MEF2A: variants seen among roughly 807,000 people sequenced by gnomAD.
MEF2A encodes the protein myocyte-specific enhancer factor 2A.
Under a neutral mutation model 55.8 loss-of-function variants are expected in MEF2A, and 28 were observed. That is an observed-to-expected ratio of 0.50 (90% CI 0.37 to 0.69). The LOEUF (loss-of-function observed/expected upper bound fraction) is 0.69, where lower values mean the gene tolerates loss of function less well. Among genes scored for constraint, MEF2A ranks in the 30% least tolerant of loss-of-function variants. The pLI, the probability that MEF2A is intolerant of heterozygous loss-of-function variation, is 0.00. For missense variants in MEF2A, 528 were observed against 626.2 expected (o/e 0.84, Z 1.67); for synonymous variants, 239 against 227.1 (o/e 1.05, Z -0.47).
chr15:99,615,514 A>C (rs774484046), intron 2 of MEF2A, among the ~76,000 whole-genome samples: 2 of 152,206 alleles, frequency 1.3e-5, no homozygotes, highest in Non-Finnish European at 2.9e-5. Flanking sequence ...CATATGTGTT[A>C]TCTCTTAATC....
chr15:99,658,192 A>G (rs545952726), intron 4 of MEF2A, among the ~76,000 whole-genome samples: 27 of 152,272 alleles, frequency 1.8e-4, no homozygotes, highest in African/African-American at 6.3e-4. Context: ...TTTAAGAAAT[A>G]AGCTTGAAAA....
At chr15:99,690,716 A>G (rs1429222491) in intron 8 of MEF2A, 3 of 512,802 alleles carry the variant, frequency 5.9e-6, no homozygotes, top group African/African-American at 5.7e-5. Context: ...AAAGATAGAT[A>G]CTGCAAGGTC....
intron 5 of MEF2A, 150 bp from the exon 6 acceptor site, chr15:99,674,242 GA>G: frequency 1.6e-6 from 1 of 628,580 alleles, no homozygotes; most frequent in East Asian, 2.7e-5. Context: ...TAATTCTAAA[GA>G]AAATAGCTTT....
At chr15:99,678,826 A>C (rs916984089) in intron 7 of MEF2A, 1 of 280,226 alleles carries the variant, frequency 3.6e-6, no homozygotes, top group Non-Finnish European at 5.4e-6. Context: ...GAGAGTAAAA[A>C]GGCAAGACAG....
intron 7 of MEF2A, among the ~76,000 whole-genome samples, chr15:99,683,661 C>G (rs1056352747): frequency 6.6e-6 from 1 of 151,162 alleles, no homozygotes; most frequent in Non-Finnish European, 1.5e-5. Context: ...ATCTCGGCCT[C>G]CCAAAGTGCT....
chr15:99,676,772 G>T lies in MEF2A; in HGVS notation c.670+1314G>T, dbSNP rs149429395. Among the ~76,000 whole-genome samples, 8 of 152,060 alleles carry T rather than the reference G, an allele frequency of 5.3e-5. No homozygotes were observed. The East Asian group carries it at 1.5e-3, about 29-fold the overall frequency. ...TTTTTAGTAGAGACGGAGTTTCACCGTGTTAGCCAGGATGGTCTCAATCTC... is the reference window on the plus strand; with the variant it reads ...TTTTTAGTAGAGACGGAGTTTCACCTTGTTAGCCAGGATGGTCTCAATCTC... On this transcript the variant is annotated intron_variant, in intron 7 of 11. Coordinates refer to ENST00000557942, the MANE Select transcript of MEF2A (RefSeq NM_001319206.4).
intron 4 of MEF2A, among the ~76,000 whole-genome samples, chr15:99,650,452 A>G (rs1468371291): frequency 6.6e-6 from 1 of 152,238 alleles, no homozygotes; most frequent in Non-Finnish European, 1.5e-5. Context: ...GATAGGTATT[A>G]TTAAGCACTT....
rs34161626 is a variant in MEF2A at position 99,707,938 on chromosome 15, GAA to G, written c.1009+1093_1009+1094del. Among the ~76,000 whole-genome samples, 15 of 146,224 alleles carry G rather than the reference GAA, an allele frequency of 1.0e-4. No homozygotes were observed. The East Asian group carries it at 1.4e-3, about 14-fold the overall frequency. On this transcript the variant is annotated intron_variant, in intron 10 of 11. Coordinates refer to ENST00000557942, the MANE Select transcript of MEF2A (RefSeq NM_001319206.4). ...AGAATCAACAATAAAAGGTTTTATT[GAA>G]AAAAAAAAAGTCTCTTAGGAAATAT... is the stretch of plus-strand genomic sequence containing the variant.
At chr15:99,654,501 A>C (rs1268795457) in intron 4 of MEF2A, among the ~76,000 whole-genome samples, 1 of 151,878 alleles carries the variant, frequency 6.6e-6, no homozygotes, top group African/African-American at 2.4e-5. Flanking sequence ...TTGGTCTTAA[A>C]AATAGGGGTA....
intron 8 of MEF2A, among the ~76,000 whole-genome samples, chr15:99,699,964 GTGTGTGTGTGTGTGTGTGTGTATA>G (rs1567482903): frequency 1.5e-5 from 1 of 66,810 alleles, no homozygotes; most frequent in East Asian, 6.2e-4. Flanking sequence ...GTGTGTGTGT[GTGTGTGTGTGTGTGTGTGTGTATA>G]TATATATATA....
intron 1 of MEF2A, among the ~76,000 whole-genome samples, chr15:99,569,080 T>C (rs1337014769): frequency 6.6e-6 from 1 of 152,184 alleles, no homozygotes. Flanking sequence ...GCTTTTAACA[T>C]ATGCTGATTT....
At chr15:99,587,880 C>G (rs1013953784) in intron 1 of MEF2A, among the ~76,000 whole-genome samples, 1 of 151,942 alleles carries the variant, frequency 6.6e-6, no homozygotes, top group Admixed American at 6.6e-5. Context: ...TGAATAGAAC[C>G]TGTTTTAATT....
chr15:99,637,382 A>G (rs1417315144), intron 3 of MEF2A, among the ~76,000 whole-genome samples: 1 of 152,186 alleles, frequency 6.6e-6, no homozygotes, highest in African/African-American at 2.4e-5. Context: ...TAAGTCTTCT[A>G]CATTTTTGTT....
chr15:99,707,952 C>A (rs2058226200), intron 10 of MEF2A, among the ~76,000 whole-genome samples: 1 of 148,600 alleles, frequency 6.7e-6, no homozygotes, highest in African/African-American at 2.5e-5. Flanking sequence ...AAAAAAAAGT[C>A]TCTTAGGAAA....
intron 3 of MEF2A, among the ~76,000 whole-genome samples, chr15:99,642,365 C>T (rs577635793): frequency 1.4e-4 from 22 of 152,040 alleles, no homozygotes; most frequent in Non-Finnish European, 2.6e-4. Flanking sequence ...GTATGCCTTT[C>T]TGTATTTTAT....
At chr15:99,620,432 A>G (rs749134572) in intron 2 of MEF2A, among the ~76,000 whole-genome samples, 2 of 152,270 alleles carry the variant, frequency 1.3e-5, no homozygotes, top group Non-Finnish European at 2.9e-5. Context: ...ATAAACGAGA[A>G]CAGTGGGATT....
intron 2 of MEF2A, among the ~76,000 whole-genome samples, chr15:99,601,529 T>TTC (rs1972965041): frequency 6.7e-6 from 1 of 149,132 alleles, no homozygotes; most frequent in Non-Finnish European, 1.5e-5. Context: ...TTTTTTTTTT[T>TTC]CGTTTTCACG....
chr15:99,702,764 C>T (rs1597285413), intron 8 of MEF2A, among the ~76,000 whole-genome samples: 1 of 152,174 alleles, frequency 6.6e-6, no homozygotes, highest in Non-Finnish European at 1.5e-5. Flanking sequence ...CCATTGAAGT[C>T]ATTTTATTCA....
At chr15:99,627,446 AAAAAG>A (rs1198166508) in intron 2 of MEF2A, among the ~76,000 whole-genome samples, 1 of 150,744 alleles carries the variant, frequency 6.6e-6, no homozygotes, top group Admixed American at 6.6e-5. Context: ...AAAAAAAAAA[AAAAAG>A]ACTTGCTATA....
Sources: allele counts gnomAD v4.1 joint callset (sites outside exome capture counted in the v4.1 genomes callset), GRCh38; gene constraint gnomAD v4.1.1; transcripts MANE v1.5; gene names NCBI Gene and HGNC (gene_info 2026-07-23, HGNC 2026-07-21).